The following ROR2 variants were observed in gnomAD, a reference collection of about 807,000 sequenced individuals.
The protein encoded by ROR2 is tyrosine-protein kinase transmembrane receptor ROR2.
A neutral mutation model predicts 74.9 loss-of-function variants in ROR2; 33 were observed. The observed-to-expected ratio is 0.44, with a 90% CI of 0.33 to 0.59. The LOEUF (loss-of-function observed/expected upper bound fraction) is 0.59. Ranked by LOEUF, ROR2 falls within the 20% of genes least tolerant of loss-of-function variation. ROR2 has a pLI of 0.02. For missense variants in ROR2, 1,216 were observed against 1,313.8 expected, an observed-to-expected ratio of 0.93 and a Z score of 1.15; for synonymous variants, 586 against 558.7, an observed-to-expected ratio of 1.05 and a Z score of -0.69.
At chr9:91,739,717 G>C (rs537008694) in intron 4 of ROR2, among the ~76,000 whole-genome samples, 2 of 152,136 alleles carry the variant, frequency 1.3e-5, no homozygotes, top group African/African-American at 4.8e-5. Context: ...GTTAACTCCA[G>C]CTCACCAGCC....
At chr9:91,813,839 C>T (rs1827836531) in intron 1 of ROR2, among the ~76,000 whole-genome samples, 3 of 152,166 alleles carry the variant, frequency 2.0e-5, no homozygotes, top group Non-Finnish European at 4.4e-5. Context: ...TGAGGCTTCC[C>T]CATGCCAGAG....
At chr9:91,756,217 C>G in intron 3 of ROR2, 116 bp from the exon 4 acceptor site, 1 of 954,130 alleles carries the variant, frequency 1.0e-6, no homozygotes, top group African/African-American at 1.6e-5. Flanking sequence ...TGGTGGGCAG[C>G]TGTCCTCGGG....
At chr9:91,788,345 C>A (rs1046800446) in intron 1 of ROR2, among the ~76,000 whole-genome samples, 6 of 152,118 alleles carry the variant, frequency 3.9e-5, no homozygotes, top group Non-Finnish European at 7.3e-5. Flanking sequence ...TATTAATTTA[C>A]ACATTTGAGA....
intron 5 of ROR2, among the ~76,000 whole-genome samples, chr9:91,735,757 C>T (rs1034811147): frequency 6.6e-5 from 10 of 151,640 alleles, no homozygotes; most frequent in African/African-American, 2.4e-4. Context: ...GCTGGGATTA[C>T]AGGCACCCGC....
intron 4 of ROR2, among the ~76,000 whole-genome samples, chr9:91,740,506 T>C (rs1320175159): frequency 1.3e-5 from 2 of 149,108 alleles, no homozygotes; most frequent in Non-Finnish European, 3.0e-5. Context: ...GAGCCGAGAA[T>C]ACGCCACTGC....
At chr9:91,726,438 T>G (rs1304945690) in intron 8 of ROR2, 103 bp downstream of exon 8, 1 of 1,086,286 alleles carries the variant, frequency 9.2e-7, no homozygotes, top group Non-Finnish European at 1.4e-6. Flanking sequence ...AATAATTATG[T>G]GCTATGTATC....
chr9:91,921,104 G>A (rs1228280038), intron 1 of ROR2, among the ~76,000 whole-genome samples: 2 of 152,190 alleles, frequency 1.3e-5, no homozygotes, highest in East Asian at 1.9e-4. Flanking sequence ...CCAAATGGCA[G>A]GTGGCCAGCC....
At chr9:91,756,853 C>T (rs1223608341) in intron 3 of ROR2, among the ~76,000 whole-genome samples, 2 of 149,572 alleles carry the variant, frequency 1.3e-5, no homozygotes, top group Non-Finnish European at 3.0e-5. Context: ...CAGGTTCAAG[C>T]GATTCTCCTG....
chr9:91,773,857 C>G (rs1826323749), intron 2 of ROR2, among the ~76,000 whole-genome samples: 1 of 152,238 alleles, frequency 6.6e-6, no homozygotes, highest in African/African-American at 2.4e-5. Flanking sequence ...GTGCCCAGAT[C>G]AAGAGATGTG....
chr9:91,867,782 A>ACAT (rs140443976), intron 1 of ROR2, among the ~76,000 whole-genome samples: 10,702 of 151,798 alleles, frequency 0.071, 443 homozygotes, highest in Middle Eastern at 0.13. Context: ...AGTGTGGCAC[A>ACAT]CATGTGGGAC....
chr9:91,794,811 T>C (rs1426278943), intron 1 of ROR2, among the ~76,000 whole-genome samples: 1 of 152,192 alleles, frequency 6.6e-6, no homozygotes, highest in Non-Finnish European at 1.5e-5. Flanking sequence ...TCTAGTTCTC[T>C]AAAAATTTTT....
chr9:91,768,585 G>A (rs1280529820), intron 2 of ROR2, among the ~76,000 whole-genome samples: 1 of 152,174 alleles, frequency 6.6e-6, no homozygotes, highest in African/African-American at 2.4e-5. Context: ...TGAGGGAAAC[G>A]GCCGCCCACC....
In ROR2 at chr9:91,854,920, C is replaced by T. The variant is rs144777598; in HGVS notation, c.98-79102G>A. On this transcript the variant is annotated intron_variant, in intron 1 of 8. Transcript: ENST00000375708. ...TTTTATTTTAAAAACTACTTTAATC[C>T]ATCAATTAGAATAATTAGTAACTAG... Among the ~76,000 whole-genome samples, 426 of 152,256 alleles carry T rather than the reference C, an allele frequency of 2.8e-3. 4 individuals are homozygous for T. The highest frequency in any genetic ancestry group is 9.2e-3 in the African/African-American group (381 of 41,540).
At chr9:91,771,838 G>C (rs1299201922) in intron 2 of ROR2, among the ~76,000 whole-genome samples, 2 of 152,144 alleles carry the variant, frequency 1.3e-5, no homozygotes, top group African/African-American at 2.4e-5. Flanking sequence ...CTTTTGCTTG[G>C]CCAAAGGTAA....
chr9:91,928,159 C>A (rs1217744375), intron 1 of ROR2, among the ~76,000 whole-genome samples: 1 of 152,074 alleles, frequency 6.6e-6, no homozygotes, highest in Non-Finnish European at 1.5e-5. Flanking sequence ...CCCTATGTGA[C>A]CCCAGGGCAG....
intron 1 of ROR2, among the ~76,000 whole-genome samples, chr9:91,939,068 G>C (rs1050895731): frequency 1.3e-5 from 2 of 152,126 alleles, no homozygotes; most frequent in African/African-American, 4.8e-5. Context: ...GGCCAACATG[G>C]TGAAACCCTG....
At chr9:91,847,247 G>A (rs991015353) in intron 1 of ROR2, among the ~76,000 whole-genome samples, 4 of 152,126 alleles carry the variant, frequency 2.6e-5, no homozygotes, top group African/African-American at 9.7e-5. Context: ...CCAGAAAGAC[G>A]GGAGAAGTGC....
chr9:91,913,894 A>G (rs1189511174), intron 1 of ROR2, among the ~76,000 whole-genome samples: 1 of 152,140 alleles, frequency 6.6e-6, no homozygotes, highest in Non-Finnish European at 1.5e-5. Context: ...GATGGTTGTG[A>G]TGGCTGTCCA....
intron 2 of ROR2, among the ~76,000 whole-genome samples, chr9:91,766,257 G>A (rs1826055140): frequency 2.6e-5 from 4 of 152,332 alleles, no homozygotes; most frequent in African/African-American, 9.6e-5. Context: ...CTTGGTCTCA[G>A]ATAAACTCTT....
Sources: allele counts gnomAD v4.1 joint callset (sites outside exome capture counted in the v4.1 genomes callset), GRCh38; gene constraint gnomAD v4.1.1; transcripts MANE v1.5; gene names NCBI Gene and HGNC (gene_info 2026-07-23, HGNC 2026-07-21).